The following PEX26 variants were observed in gnomAD, a reference collection of about 807,000 sequenced individuals.
PEX26 encodes peroxisomal biogenesis factor 26, also known as peroxisome assembly protein 26.
A neutral mutation model predicts 31.4 loss-of-function variants in PEX26; 18 were observed. The observed-to-expected ratio is 0.57, with a 90% confidence interval of 0.40 to 0.85. The LOEUF is 0.85. PEX26 is among the 40% of genes least tolerant of loss of function. The pLI is 0.00. For synonymous variants in PEX26, 176 were observed against 166.9 expected, an observed-to-expected ratio of 1.05 and a Z score of -0.42; for missense variants, 377 against 383.9, an observed-to-expected ratio of 0.98 and a Z score of 0.15.
At chr22:18,078,910 A>G in intron 1 of PEX26, 1 of 540,118 alleles carries the variant, frequency 1.9e-6, no homozygotes. Context: ...GCAGGTGGTA[A>G]AAGTCCTCTC....
chr22:18,079,561 C>T (rs1351252251), intron 1 of PEX26, among the ~76,000 whole-genome samples: 1 of 152,230 alleles, frequency 6.6e-6, no homozygotes, highest in Non-Finnish European at 1.5e-5. Context: ...TTTTCAGCCA[C>T]ACACCGGTGC....
intron 3 of PEX26, among the ~76,000 whole-genome samples, chr22:18,084,329 G>A (rs979851682): frequency 6.7e-5 from 10 of 148,674 alleles, no homozygotes; most frequent in Non-Finnish European, 1.5e-5. Context: ...ACTGCAAGCT[G>A]CACCTCTCAG....
At chr22:18,078,877 T>C (rs1172907958) in intron 1 of PEX26, 1 of 631,578 alleles carries the variant, frequency 1.6e-6, no homozygotes, top group Non-Finnish European at 2.9e-6. Flanking sequence ...GAATGTGTAT[T>C]AAGTGCTAAG....
rs1205290077 is a variant in PEX26 at position 18,089,663 on chromosome 22, CG to C, written c.*1593del. On this transcript the variant is annotated 3_prime_UTR_variant, in exon 5 of 5. Transcript: ENST00000399744. ...TGCTAGCTTTTCCTTGGTACATTTT[CG>C]GGGGTTGCAAGGCAACAAGTTTTCT... 6.5e-6 allele frequency: 1 copy of C among 153,932 alleles called. No homozygotes were observed. The highest frequency in any genetic ancestry group is 1.4e-5 in the Non-Finnish European group (1 of 69,588). 9.5% of individuals were successfully genotyped at this position (153,932 alleles called of 1,614,324 possible). A position where few individuals can be genotyped will look rare whatever the true frequency, so the allele number is the denominator to read the frequency against.
Position 18,099,771 on chromosome 22 carries a change from TA to T in PEX26, c.*11698del, listed in dbSNP as rs1569193303. 1 of 152,230 alleles carries T rather than the reference TA, an allele frequency of 6.6e-6. No individual in the cohort carries two copies. Among genetic ancestry groups the T allele is most frequent in the Non-Finnish European group, 1.5e-5 (1 of 68,058 alleles). 9.4% of individuals were successfully genotyped at this position (152,230 alleles called of 1,614,324 possible). On this transcript the variant is annotated 3_prime_UTR_variant, in exon 5 of 5. Transcript: ENST00000399744. ...TGTTTCTTCCAGCTTCTGCTGGCTC[TA>T]AGTGTTCCCTGGCCTGCGACAGCAT...
In PEX26 at chr22:18,094,773, C is replaced by CTTTTA. The variant is rs1927241072; in HGVS notation, c.*6702_*6703insATTTT. On this transcript the variant is annotated 3_prime_UTR_variant, in exon 5 of 5. Transcript: ENST00000399744. ...TTTCCTTTGGCTTTTTTTTTCTTTT[C>CTTTTA]TTTTCTTTTCTTCTTTTTTTTTTTG... is the stretch of plus-strand genomic sequence containing the variant. The CTTTTA allele has an allele frequency of 6.7e-6, 1 of 148,904 alleles. No homozygotes were observed. The allele number at this position is 148,904 out of a possible 1,614,324, so 9.2% of individuals were successfully genotyped here.
At position 18,103,970 on chromosome 22, in the gene PEX26, T is replaced by C. The variant is rs1927537190; in HGVS notation, c.*15895T>C. On this transcript the variant is annotated 3_prime_UTR_variant, in exon 5 of 5. Coordinates refer to ENST00000399744, the MANE Select transcript of PEX26 (RefSeq NM_001127649.3). ...GATCTACAACATTGATAGAGATCAG[T>C]TTTTCTGCTCTTCCAACATACTGCC... 6.6e-6 allele frequency: 1 copy of C among 152,138 alleles called. No homozygotes were observed. Among genetic ancestry groups the C allele is most frequent in the Non-Finnish European group, 1.5e-5 (1 of 68,040 alleles). The allele number at this position is 152,138 out of a possible 1,614,324, so 9.4% of individuals were successfully genotyped here. A position where few individuals can be genotyped will look rare whatever the true frequency, so the allele number is the denominator to read the frequency against.
rs1403450982 is a variant in PEX26 at position 18,088,243 on chromosome 22, G to T, written c.*168G>T. On this transcript the variant is annotated 3_prime_UTR_variant, in exon 5 of 5. Transcript: ENST00000399744. This position sits in a 1 kb window ranked among gnomAD's most constrained non-coding sequence, Gnocchi z 4.1. ...GCCCTCTCCTTTGCACCCTACTTCGGCTGGTCGCGGTAGATGATGTGGAAA... is the reference window on the plus strand; with the variant it reads ...GCCCTCTCCTTTGCACCCTACTTCGTCTGGTCGCGGTAGATGATGTGGAAA... The T allele has an allele frequency of 1.4e-6, 1 of 705,648 alleles. No homozygotes were observed. The allele number at this position is 705,648 out of a possible 1,614,324, so 43.7% of individuals were successfully genotyped here.
At chr22:18,082,825 C>G (rs1926669810) in intron 2 of PEX26, among the ~76,000 whole-genome samples, 1 of 152,206 alleles carries the variant, frequency 6.6e-6, no homozygotes, top group Middle Eastern at 3.2e-3. Context: ...TGTGAATGAA[C>G]ACGGGATATC....
chr22:18,081,245 T>C (rs5992168), intron 2 of PEX26, among the ~76,000 whole-genome samples: 6,251 of 138,018 alleles, frequency 0.045, 264 homozygotes, highest in African/African-American at 0.096. Flanking sequence ...TGTACACATA[T>C]ACACACACAC....
Position 18,078,342 on chromosome 22 carries a change from C to T in PEX26, c.-35C>T, listed in dbSNP as rs755550753. The stretch of plus-strand genomic sequence containing the variant: ...GCCTCTGGGGAGGCGGTCACTCCGA[C>T]GTCTGAGGACCTGGGCCTTGGACCC... On this transcript the variant is annotated 5_prime_UTR_variant, in exon 1 of 5. It adds an upstream start codon to the 5' untranslated region. Transcript: ENST00000399744. The T allele has an allele frequency of 1.3e-6, 2 of 1,487,512 alleles. No homozygotes were observed. Among genetic ancestry groups the T allele is most frequent in the East Asian group, 2.3e-5 (1 of 43,592 alleles). The allele number at this position is 1,487,512 out of a possible 1,614,324, so 92.1% of individuals were successfully genotyped here. A position where few individuals can be genotyped will look rare whatever the true frequency, so the allele number is the denominator to read the frequency against.
rs1000741041 is a variant in PEX26 at position 18,093,397 on chromosome 22, TAA to T, written c.*5328_*5329del. 1.3e-5 allele frequency: 2 copies of T among 151,350 alleles called. No individual in the cohort carries two copies. Among genetic ancestry groups the T allele is most frequent in the Non-Finnish European group, 1.5e-5 (1 of 67,874 alleles). The allele number at this position is 151,350 out of a possible 1,614,324, so 9.4% of individuals were successfully genotyped here. On this transcript the variant is annotated 3_prime_UTR_variant, in exon 5 of 5. Transcript: ENST00000399744. ...TAACACGGTGAAATCCCATCTCTAC[TAA>T]AAAAATACAAAAAATTAGCCGGGCG...
intron 4 of PEX26, 65 bp from the exon 5 acceptor site, chr22:18,087,906 TG>T: frequency 9.8e-7 from 1 of 1,019,358 alleles, no homozygotes; most frequent in Non-Finnish European, 1.6e-6. Context: ...TCTCCCAGGG[TG>T]GGAGATGGCA....
chr22:18,085,055 G>A lies in PEX26; in HGVS notation c.668-57G>A, dbSNP rs538418825. 311 of 1,598,370 alleles carry A rather than the reference G, an allele frequency of 1.9e-4. 1 individual carries two copies. In the African/African-American group the frequency reaches 3.8e-3, roughly 20 times the overall value. ...CTTAGAAGCAAGCACAGAGGTCGGG[G>A]TCAGGGAAGCTGATTCCCATGACAT... On this transcript the variant is annotated intron_variant, in intron 3 of 4. Transcript: ENST00000399744.
intron 2 of PEX26, 140 bp downstream of exon 2, chr22:18,080,154 A>T (rs935016762): frequency 1.4e-5 from 12 of 852,818 alleles, no homozygotes; most frequent in Non-Finnish European, 2.3e-5. Flanking sequence ...TTTTCCCCAG[A>T]CTTCCATACA....
intron 2 of PEX26, among the ~76,000 whole-genome samples, chr22:18,080,823 A>G (rs1926545760): frequency 6.6e-6 from 1 of 152,090 alleles, no homozygotes; most frequent in East Asian, 1.9e-4. Flanking sequence ...TATATATACA[A>G]TACCTTACTG....
chr22:18,084,819 T>G (rs183533967), intron 3 of PEX26, among the ~76,000 whole-genome samples: 488 of 151,952 alleles, frequency 3.2e-3, no homozygotes, highest in Non-Finnish European at 5.4e-3. Context: ...ACCTCCCAGA[T>G]TCAAGTGATT....
intron 4 of PEX26, 30 bp downstream of exon 4, chr22:18,085,288 CCTGGGAAGGGGTTGTTGCCAGGG>C: frequency 6.2e-7 from 1 of 1,611,952 alleles, no homozygotes; most frequent in Non-Finnish European, 8.5e-7. Flanking sequence ...CCCTGTCCTT[CCTGGGAAGGGGTTGTTGCCAGGG>C]CTGGGCCTGT....
At chr22:18,083,353 A>G in intron 2 of PEX26, 84 bp from the exon 3 acceptor site, 1 of 1,383,598 alleles carries the variant, frequency 7.2e-7, no homozygotes, top group South Asian at 1.2e-5. Context: ...GCTGGATAGG[A>G]GAAGCATAGT....
Sources: gnomAD v4.1 joint callset for allele counts (sites outside exome capture counted in the v4.1 genomes callset) on GRCh38, gnomAD v4.1.1 for gene constraint, Gnocchi (gnomAD v3.1) non-coding constraint, MANE v1.5 for transcripts, NCBI Gene and HGNC (gene_info 2026-07-23, HGNC 2026-07-21) for gene names.